CAMK1D: variants seen among roughly 807,000 people sequenced by gnomAD.
CAMK1D encodes calcium/calmodulin-dependent protein kinase type 1D.
Under a neutral mutation model 47.7 loss-of-function variants are expected in CAMK1D, and 9 were observed. The ratio of observed to expected loss-of-function variants is 0.19; its 90% confidence interval spans 0.11 to 0.33. The LOEUF is 0.33. CAMK1D is among the 10% of genes least tolerant of loss of function. CAMK1D has a pLI of 1.00. For synonymous variants in CAMK1D, 184 were observed against 184.9 expected, an observed-to-expected ratio of 0.99 and a Z score of 0.04; for missense variants, 291 against 488.7, an observed-to-expected ratio of 0.60 and a Z score of 3.81.
Position 12,825,562 on chromosome 10 carries a change from TGAAA to T in CAMK1D, c.922-10_922-7del. On this transcript the variant is annotated splice_region_variant and splice_polypyrimidine_tract_variant and intron_variant, in intron 9 of 10. Coordinates refer to ENST00000619168, the MANE Select transcript of CAMK1D (RefSeq NM_153498.4). Reference sequence around the variant, plus strand: ...AATATTTGTCTGCTTTTTTCCTTTCTGAAATTTCAGCAAGCATTTAATGCCACGG... The same window carrying T: ...AATATTTGTCTGCTTTTTTCCTTTCTTTTCAGCAAGCATTTAATGCCACGG... 3.7e-6 allele frequency: 6 copies of T among 1,602,684 alleles called. No individual in the cohort carries two copies. In the African/African-American group the frequency reaches 4.0e-5, roughly 11 times the overall value.
intron 3 of CAMK1D, among the ~76,000 whole-genome samples, chr10:12,698,121 A>G (rs1374990566): frequency 6.6e-6 from 1 of 152,220 alleles, no homozygotes; most frequent in Admixed American, 6.5e-5. Context: ...CAGGCGTAAT[A>G]CAGTTTTTCA....
chr10:12,804,965 CA>C (rs935532026), intron 6 of CAMK1D, among the ~76,000 whole-genome samples: 6 of 102,128 alleles, frequency 5.9e-5, no homozygotes, highest in East Asian at 3.2e-4. Flanking sequence ...AAAAAAGATA[CA>C]AAAAAAATAC....
intron 1 of CAMK1D, among the ~76,000 whole-genome samples, chr10:12,358,217 C>T (rs573888620): frequency 6.6e-5 from 10 of 152,022 alleles, no homozygotes; most frequent in South Asian, 4.2e-4. Context: ...AGAGAGAGAC[C>T]GTGTCCCCAT....
chr10:12,665,930 C>T (rs995267078), intron 2 of CAMK1D, among the ~76,000 whole-genome samples: 1 of 152,358 alleles, frequency 6.6e-6, no homozygotes, highest in African/African-American at 2.4e-5. Context: ...GTTTGAGCAG[C>T]GCTGGTCTAA....
chr10:12,725,757 G>A (rs1376397088), intron 3 of CAMK1D, among the ~76,000 whole-genome samples: 1 of 152,036 alleles, frequency 6.6e-6, no homozygotes, highest in Non-Finnish European at 1.5e-5. Flanking sequence ...GAATAATATG[G>A]TTTTCTTTGC....
At chr10:12,429,370 C>T (rs1254880037) in intron 1 of CAMK1D, among the ~76,000 whole-genome samples, 5 of 152,100 alleles carry the variant, frequency 3.3e-5, no homozygotes, top group South Asian at 2.1e-4. Flanking sequence ...GACAGAGTCT[C>T]GCTTTGTCAC....
intron 4 of CAMK1D, among the ~76,000 whole-genome samples, chr10:12,766,241 G>T (rs1836750961): frequency 6.6e-6 from 1 of 151,924 alleles, no homozygotes; most frequent in African/African-American, 2.4e-5. Flanking sequence ...CAAAGTGCTG[G>T]GATTACAGGT....
intron 3 of CAMK1D, among the ~76,000 whole-genome samples, chr10:12,725,597 A>G (rs938376933): frequency 1.3e-5 from 2 of 152,208 alleles, no homozygotes; most frequent in Non-Finnish European, 1.5e-5. Flanking sequence ...AATGTCAATT[A>G]CTACTTTATT....
intron 2 of CAMK1D, among the ~76,000 whole-genome samples, chr10:12,585,337 T>C (rs948928241): frequency 3.9e-5 from 6 of 152,164 alleles, no homozygotes; most frequent in Non-Finnish European, 8.8e-5. Flanking sequence ...AGGCCACACA[T>C]TGAAAAATAT....
chr10:12,456,585 C>G (rs1833249195), intron 1 of CAMK1D: 1 of 152,078 alleles, frequency 6.6e-6, no homozygotes, highest in Non-Finnish European at 1.5e-5. Flanking sequence ...TATCACTCAG[C>G]CTGGGCAACA....
intron 8 of CAMK1D, among the ~76,000 whole-genome samples, chr10:12,816,618 C>T (rs932419492): frequency 1.3e-5 from 2 of 152,026 alleles, no homozygotes; most frequent in Non-Finnish European, 2.9e-5. Flanking sequence ...TGCCTGTAAT[C>T]CCAGCACTTT....
intron 1 of CAMK1D, among the ~76,000 whole-genome samples, chr10:12,363,480 C>T (rs2131844769): frequency 6.6e-6 from 1 of 152,190 alleles, no homozygotes; most frequent in East Asian, 1.9e-4. Context: ...GTCTCAAACT[C>T]CTGACCTCTG....
chr10:12,501,610 G>A (rs959901937), intron 1 of CAMK1D, among the ~76,000 whole-genome samples: 1 of 152,138 alleles, frequency 6.6e-6, no homozygotes, highest in Non-Finnish European at 1.5e-5. Context: ...TGGCTTATCT[G>A]CGGAGATACG....
At chr10:12,704,649 T>C (rs1158828282) in intron 3 of CAMK1D, among the ~76,000 whole-genome samples, 1 of 152,226 alleles carries the variant, frequency 6.6e-6, no homozygotes, top group Admixed American at 6.5e-5. Flanking sequence ...TGACAGTTTA[T>C]AAAATGACAA....
intron 1 of CAMK1D, among the ~76,000 whole-genome samples, chr10:12,498,369 G>C (rs1834603582): frequency 6.6e-6 from 1 of 152,232 alleles, no homozygotes; most frequent in South Asian, 2.1e-4. Flanking sequence ...AGATCTTAGA[G>C]TGAGCATCTG....
chr10:12,453,078 C>T (rs1196504030), intron 1 of CAMK1D, among the ~76,000 whole-genome samples: 1 of 152,134 alleles, frequency 6.6e-6, no homozygotes, highest in Admixed American at 6.6e-5. Context: ...ACTCTAGGGG[C>T]CTTGTTGAAG....
At chr10:12,369,499 G>A (rs1362859656) in intron 1 of CAMK1D, among the ~76,000 whole-genome samples, 1 of 152,172 alleles carries the variant, frequency 6.6e-6, no homozygotes, top group Non-Finnish European at 1.5e-5. Flanking sequence ...TCATCTCATC[G>A]GGATGGGGGC....
chr10:12,770,796 G>A (rs1837002418), intron 5 of CAMK1D, among the ~76,000 whole-genome samples: 1 of 152,186 alleles, frequency 6.6e-6, no homozygotes, highest in Non-Finnish European at 1.5e-5. Flanking sequence ...CCCAGGAAGA[G>A]TAACCAGTTT....
chr10:12,787,649 G>A (rs1172389816), intron 5 of CAMK1D, among the ~76,000 whole-genome samples: 1 of 152,246 alleles, frequency 6.6e-6, no homozygotes, highest in Non-Finnish European at 1.5e-5. Context: ...CCTTTCTCGT[G>A]TATCTGTTGC....
Sources: allele counts gnomAD v4.1 joint callset (sites outside exome capture counted in the v4.1 genomes callset), GRCh38; gene constraint gnomAD v4.1.1; transcripts MANE v1.5; gene names NCBI Gene and HGNC (gene_info 2026-07-23, HGNC 2026-07-21).